Variants in ABCB4 observed in about 807,000 individuals in gnomAD.
ABCB4 encodes ATP binding cassette subfamily B member 4.
In ABCB4, 76 loss-of-function variants were observed where a neutral mutation model predicts 145.7. The observed-to-expected ratio is 0.52, with a 90% confidence interval of 0.43 to 0.63. ABCB4 has a LOEUF of 0.63. Among genes scored for constraint, ABCB4 ranks in the 30% least tolerant of loss-of-function variants. The probability of loss-of-function intolerance (pLI) is 0.00; values close to 1 mark genes in which losing one functional copy is unlikely to be tolerated. For synonymous variants in ABCB4, 517 were observed against 566.8 expected (o/e 0.91, Z 1.25); for missense variants, 1,234 against 1,553.1 (o/e 0.79, Z 3.45).
chr7:87,419,207 C>A (rs1809218475), intron 19 of ABCB4, among the ~76,000 whole-genome samples: 2 of 152,138 alleles, frequency 1.3e-5, no homozygotes, highest in Admixed American at 6.5e-5. Context: ...AATAATTTTT[C>A]CTGCATAGCA....
chr7:87,474,981 T>C (rs1260126549), intron 2 of ABCB4, among the ~76,000 whole-genome samples: 1 of 152,168 alleles, frequency 6.6e-6, no homozygotes, highest in Non-Finnish European at 1.5e-5. Context: ...ACTGCCCTTG[T>C]TCAAAAAGCA....
chr7:87,409,480 T>A, intron 23 of ABCB4, 88 bp from the exon 24 acceptor site: 1 of 1,354,576 alleles, frequency 7.4e-7, no homozygotes, highest in Non-Finnish European at 1.0e-6. Context: ...CTTACCAGTA[T>A]TTTTTCCCTT....
intron 14 of ABCB4, among the ~76,000 whole-genome samples, chr7:87,432,597 G>T (rs1417749187): frequency 2.6e-5 from 4 of 152,152 alleles, no homozygotes; most frequent in Non-Finnish European, 5.9e-5. Flanking sequence ...TGAAAACATT[G>T]TGCTAAGTGA....
chr7:87,446,010 A>C (rs1369333068), intron 9 of ABCB4, among the ~76,000 whole-genome samples: 1 of 152,206 alleles, frequency 6.6e-6, no homozygotes, highest in Non-Finnish European at 1.5e-5. Context: ...CTTCTTCATA[A>C]AACATCAATA....
chr7:87,424,875 T>C (rs1288687351), intron 16 of ABCB4, among the ~76,000 whole-genome samples: 2 of 152,176 alleles, frequency 1.3e-5, no homozygotes, highest in Non-Finnish European at 2.9e-5. Context: ...AATGTTTTGA[T>C]GATAGAAGCA....
chr7:87,449,031 G>C (rs1019511240), intron 8 of ABCB4, among the ~76,000 whole-genome samples: 1 of 152,084 alleles, frequency 6.6e-6, no homozygotes, highest in African/African-American at 2.4e-5. Flanking sequence ...TTTCATAGGT[G>C]TATTCTTATC....
intron 3 of ABCB4, among the ~76,000 whole-genome samples, chr7:87,472,164 A>G (rs1813464738): frequency 6.6e-6 from 1 of 152,150 alleles, no homozygotes; most frequent in African/African-American, 2.4e-5. Context: ...TAATAAGCCA[A>G]ACTTATACAG....
At chr7:87,382,212 A>G in the ABCB4 span, 1 of 1,545,736 alleles carries the variant, frequency 6.5e-7, no homozygotes, top group East Asian at 2.3e-5. Flanking sequence ...TTAAATAATA[A>G]TGATTTTTTC....
chr7:87,381,994 G>GT, the ABCB4 span: 1 of 1,596,234 alleles, frequency 6.3e-7, no homozygotes, highest in Non-Finnish European at 8.6e-7. Flanking sequence ...AAGATGGAAG[G>GT]TATGTTTGAA....
chr7:87,468,438 C>T (rs1584794368), intron 3 of ABCB4, among the ~76,000 whole-genome samples: 2 of 152,254 alleles, frequency 1.3e-5, no homozygotes, highest in African/African-American at 2.4e-5. Flanking sequence ...GAATCACAGC[C>T]GAATTCTACC....
rs574673875 is a variant in ABCB4 at position 87,403,044 on chromosome 7, C to T, written c.3633+91G>A. On this transcript the variant is annotated intron_variant, in intron 27 of 27. Coordinates refer to ENST00000649586, the MANE Select transcript of ABCB4 (RefSeq NM_000443.4). ...TATCTAACGTTCTGTGTTTTTCCCC[C>T]TGTGCTTGTGTGTGTTTTTTTCATG... The T allele has an allele frequency of 1.1e-4, 144 of 1,360,282 alleles. No individual in the cohort carries two copies. In the African/African-American group the frequency reaches 2.0e-3, roughly 19 times the overall value. The allele number at this position is 1,360,282 out of a possible 1,614,324, so 84.3% of individuals were successfully genotyped here.
At chr7:87,406,166 G>T in intron 26 of ABCB4, 122 bp downstream of exon 26, 2 of 1,022,214 alleles carry the variant, frequency 2.0e-6, no homozygotes, top group Non-Finnish European at 1.5e-6. Flanking sequence ...GAAGTGCCTT[G>T]TCCAAGTTGT....
chr7:87,413,528 G>T, intron 22 of ABCB4, 89 bp downstream of exon 22: 2 of 876,174 alleles, frequency 2.3e-6, no homozygotes, highest in Non-Finnish European at 1.9e-6. Flanking sequence ...TCATTGTTTG[G>T]AGCAGCAGAG....
chr7:87,449,305 C>T (rs1811548468), intron 8 of ABCB4, among the ~76,000 whole-genome samples: 1 of 151,868 alleles, frequency 6.6e-6, no homozygotes, highest in South Asian at 2.1e-4. Context: ...TTTTTCTCTT[C>T]TATATTCCAG....
intron 16 of ABCB4, 111 bp downstream of exon 16, chr7:87,426,639 G>T: frequency 9.3e-7 from 1 of 1,081,062 alleles, no homozygotes; most frequent in Non-Finnish European, 1.4e-6. Flanking sequence ...AAAGAGTATG[G>T]CTCATAGTAG....
chr7:87,383,699 G>A, the ABCB4 span, among the ~76,000 whole-genome samples: 1 of 152,152 alleles, frequency 6.6e-6, no homozygotes, highest in Non-Finnish European at 1.5e-5. Context: ...GTTTCGTCGT[G>A]TTGGCCAGGC....
At chr7:87,370,965 T>C in the ABCB4 span, among the ~76,000 whole-genome samples, 6 of 152,218 alleles carry the variant, frequency 3.9e-5, no homozygotes, top group Non-Finnish European at 8.8e-5. Context: ...ACATTCTGGG[T>C]AAGAGTTCTT....
intron 3 of ABCB4, among the ~76,000 whole-genome samples, chr7:87,472,000 G>A (rs767181679): frequency 6.6e-5 from 10 of 152,158 alleles, no homozygotes; most frequent in Non-Finnish European, 1.5e-4. Flanking sequence ...ATGCAGAAAT[G>A]CATTTTCTTG....
chr7:87,373,075 T>C, the ABCB4 span, among the ~76,000 whole-genome samples: 2 of 152,122 alleles, frequency 1.3e-5, no homozygotes, highest in Non-Finnish European at 2.9e-5. Flanking sequence ...AATGGCGCAG[T>C]ATATTAGGGT....
Sources: allele counts gnomAD v4.1 joint callset (sites outside exome capture counted in the v4.1 genomes callset), GRCh38; gene constraint gnomAD v4.1.1; transcripts MANE v1.5; gene names NCBI Gene and HGNC (gene_info 2026-07-23, HGNC 2026-07-21).